CD244: variants seen among roughly 807,000 people sequenced by gnomAD.
CD244 encodes CD244 molecule.
In CD244, 20 loss-of-function variants were observed where a neutral mutation model predicts 45.5. That is an observed-to-expected ratio of 0.44 (90% CI 0.31 to 0.64). CD244 has a LOEUF of 0.64. Among genes scored for constraint, CD244 ranks in the 30% least tolerant of loss-of-function variants. The pLI is 0.08. For missense variants in CD244, 407 were observed against 426.9 expected (o/e 0.95, Z 0.41); for synonymous variants, 185 against 160.5 (o/e 1.15, Z -1.15).
intron 1 of CD244, among the ~76,000 whole-genome samples, chr1:160,847,490 C>T (rs1669776345): frequency 6.6e-6 from 1 of 152,084 alleles, no homozygotes; most frequent in South Asian, 2.1e-4. Flanking sequence ...GTATTGAAAT[C>T]ATACCAATTA....
intron 1 of CD244, among the ~76,000 whole-genome samples, chr1:160,850,137 T>C (rs1417526831): frequency 2.0e-5 from 3 of 152,186 alleles, no homozygotes; most frequent in Non-Finnish European, 4.4e-5. Flanking sequence ...AATTGCTAGA[T>C]ATAAGGTCAA....
At chr1:160,859,719 C>T (rs1670227179) in intron 1 of CD244, among the ~76,000 whole-genome samples, 1 of 136,776 alleles carries the variant, frequency 7.3e-6, no homozygotes, top group African/African-American at 2.8e-5. Context: ...CCACCCTGGG[C>T]AACATGGGGA....
At chr1:160,848,321 C>T in intron 1 of CD244, 1 of 592,590 alleles carries the variant, frequency 1.7e-6, no homozygotes, top group Non-Finnish European at 3.2e-6. Context: ...AAATGCTGGA[C>T]CCAACACAAA....
intron 1 of CD244, among the ~76,000 whole-genome samples, chr1:160,851,731 T>C (rs73023905): frequency 0.01 from 1,572 of 152,254 alleles, 23 homozygotes; most frequent in African/African-American, 0.036. Flanking sequence ...TTGGTAGAGA[T>C]AGAGTTTCAC....
chr1:160,835,091 T>C (rs1669282959), intron 6 of CD244, among the ~76,000 whole-genome samples: 1 of 151,080 alleles, frequency 6.6e-6, no homozygotes, highest in Admixed American at 6.6e-5. Context: ...GGTGCTCAAT[T>C]TTTTTTTTCT....
At chr1:160,835,779 G>A (rs1464210873) in intron 6 of CD244, among the ~76,000 whole-genome samples, 1 of 152,132 alleles carries the variant, frequency 6.6e-6, no homozygotes, top group Non-Finnish European at 1.5e-5. Context: ...TTATTGCTAA[G>A]TCATAATAAA....
intron 8 of CD244, 124 bp downstream of exon 8, chr1:160,832,395 A>G: frequency 1.5e-6 from 1 of 663,644 alleles, no homozygotes; most frequent in Non-Finnish European, 2.7e-6. Context: ...GCATTAGAAG[A>G]TCTCTAAATT....
intron 1 of CD244, among the ~76,000 whole-genome samples, chr1:160,851,499 A>G (rs1336219443): frequency 1.3e-5 from 2 of 152,228 alleles, no homozygotes; most frequent in Admixed American, 6.5e-5. Context: ...TATAAGGAAA[A>G]AAAACCTTGA....
rs376214679 is a variant in CD244 at position 160,831,365 on chromosome 1, G to A, written c.1080C>T (p.Asn360=). ...GCAGCAACTAGGAATAAACATCAAA[G>A]TTCTCCAGCTCTTTGCGGCTCAATC... ...PARLSRKELE[N]FDVYS is the part of the protein sequence containing the mutation. The change falls in exon 9 of 9, where the codon AAC becomes AAT. Residue 360 remains asparagine (N), a synonymous_variant. Transcript: ENST00000368034. 1.9e-6 allele frequency: 3 copies of A among 1,613,786 alleles called. No individual in the cohort carries two copies. The highest frequency in any genetic ancestry group is 2.7e-5 in the African/African-American group (2 of 74,920).
intron 3 of CD244, among the ~76,000 whole-genome samples, chr1:160,840,884 T>G (rs1669517261): frequency 6.6e-6 from 1 of 152,216 alleles, no homozygotes; most frequent in South Asian, 2.1e-4. Flanking sequence ...GAGAGGACAG[T>G]TCTCCATCAG....
At chr1:160,843,262 C>T (rs1374957008) in intron 1 of CD244, among the ~76,000 whole-genome samples, 1 of 152,222 alleles carries the variant, frequency 6.6e-6, no homozygotes, top group Admixed American at 6.5e-5. Context: ...TGTACTGGCT[C>T]TGCCCATTAG....
intron 1 of CD244, among the ~76,000 whole-genome samples, chr1:160,859,945 C>T (rs187126617): frequency 9.9e-5 from 15 of 152,132 alleles, no homozygotes; most frequent in African/African-American, 2.2e-4. Flanking sequence ...GTGGCTCACA[C>T]CTGGTATCCC....
chr1:160,841,254 C>CTT lies in CD244; in HGVS notation c.609_610dup (p.Ser204LysfsTer5). 6.2e-7 allele frequency: 1 copy of CTT among 1,614,222 alleles called. No individual in the cohort carries two copies. Among genetic ancestry groups the CTT allele is most frequent in the Non-Finnish European group, 8.5e-7 (1 of 1,180,038 alleles). Reference sequence around the variant, plus strand: ...GTCCTGAGTGAGATTCAGGGTGTGGCTTTCCCAGCTAACAGGATTGCTGAC... The same window carrying CTT: ...GTCCTGAGTGAGATTCAGGGTGTGGCTTTTTCCCAGCTAACAGGATTGCTGAC... On this transcript the variant is annotated frameshift_variant, in exon 3 of 9. Coordinates refer to ENST00000368034, the MANE Select transcript of CD244 (RefSeq NM_016382.4). LOFTEE classifies it high-confidence loss of function.
In CD244 at chr1:160,838,503, T is replaced by C; in HGVS notation, c.782A>G (p.Glu261Gly). 6.2e-7 allele frequency: 1 copy of C among 1,613,048 alleles called. No homozygotes were observed. The highest frequency in any genetic ancestry group is 8.5e-7 in the Non-Finnish European group (1 of 1,179,032). ...KEKQSETSPK[E>G]FLTIYEDVKD... ...GACATCTTCGTAAATTGTCAAAAAT[T>C]CCTTGGGACTGGTCTCTGAGGGAGG... Residue 261 changes from glutamate (E) to glycine (G), a missense_variant, in exon 5 of 9, where the codon GAA becomes GGA. Transcript: ENST00000368034.
At position 160,862,681 on chromosome 1, in the gene CD244, C is replaced by T; in HGVS notation, c.-4G>A. ...GGGTGACCACTTGCCCCAGCATTTC[C>T]ACAGGACAGAGGGGCCAGGCCAGCC... On this transcript the variant is annotated 5_prime_UTR_variant, in exon 1 of 9. Transcript: ENST00000368034. The T allele has an allele frequency of 6.2e-7, 1 of 1,613,832 alleles. No individual in the cohort carries two copies. Among genetic ancestry groups the T allele is most frequent in the Non-Finnish European group, 8.5e-7 (1 of 1,179,856 alleles).
intron 1 of CD244, among the ~76,000 whole-genome samples, chr1:160,845,383 A>G (rs1669694667): frequency 6.6e-6 from 1 of 152,210 alleles, no homozygotes; most frequent in Admixed American, 6.5e-5. Context: ...AGTGTAAAAG[A>G]TATTTGAGAT....
chr1:160,851,504 C>A (rs150080350), intron 1 of CD244, among the ~76,000 whole-genome samples: 1 of 152,012 alleles, frequency 6.6e-6, no homozygotes, highest in South Asian at 2.1e-4. Flanking sequence ...GGAAAAAAAA[C>A]CTTGATATCT....
intron 1 of CD244, among the ~76,000 whole-genome samples, chr1:160,853,405 G>A (rs1669988289): frequency 6.6e-6 from 1 of 152,122 alleles, no homozygotes; most frequent in Non-Finnish European, 1.5e-5. Flanking sequence ...AGGAATGACT[G>A]GGTGCTAGAA....
chr1:160,848,545 G>A (rs1669813592), intron 1 of CD244: 4 of 406,154 alleles, frequency 9.8e-6, no homozygotes, highest in Non-Finnish European at 9.5e-6. Flanking sequence ...AGAAGTTCCT[G>A]CCTCAGATTC....
Sources: gnomAD v4.1 joint callset for allele counts (sites outside exome capture counted in the v4.1 genomes callset) on GRCh38, gnomAD v4.1.1 for gene constraint, MANE v1.5 for transcripts, NCBI Gene and HGNC (gene_info 2026-07-23, HGNC 2026-07-21) for gene names.